The following AMBRA1 variants were observed in gnomAD, a reference collection of about 807,000 sequenced individuals.
The protein encoded by AMBRA1 is autophagy and beclin 1 regulator 1, also known as activating molecule in BECN1-regulated autophagy protein 1.
A neutral mutation model predicts 125.4 loss-of-function variants in AMBRA1; 47 were observed. That is an observed-to-expected ratio of 0.37 (90% CI 0.30 to 0.48). The LOEUF (loss-of-function observed/expected upper bound fraction) is 0.48. Among genes scored for constraint, AMBRA1 ranks in the 20% least tolerant of loss-of-function variants. The probability of loss-of-function intolerance (pLI) is 0.99; values close to 1 mark genes in which losing one functional copy is unlikely to be tolerated. For synonymous variants in AMBRA1, 626 were observed against 655.5 expected (o/e 0.95, Z 0.69); for missense variants, 1,331 against 1,693.4 (o/e 0.79, Z 3.76).
intron 9 of AMBRA1, among the ~76,000 whole-genome samples, chr11:46,507,334 C>T (rs1220477726): frequency 6.6e-6 from 1 of 151,502 alleles, no homozygotes; most frequent in African/African-American, 2.4e-5. Flanking sequence ...AAAAAATTAG[C>T]CAGGCGCGGT....
chr11:46,465,864 C>T (rs1949300991), intron 11 of AMBRA1, among the ~76,000 whole-genome samples: 1 of 152,170 alleles, frequency 6.6e-6, no homozygotes. Context: ...ATGCTATATT[C>T]TATAAAAAAC....
intron 9 of AMBRA1, chr11:46,504,638 G>C (rs1354765248): frequency 6.6e-6 from 1 of 152,202 alleles, no homozygotes; most frequent in Admixed American, 6.5e-5. Context: ...AATGGCAGGA[G>C]AGGAAGCCTG....
chr11:46,418,308 A>G (rs1201477486), intron 14 of AMBRA1, among the ~76,000 whole-genome samples: 20 of 348 alleles, frequency 0.057, no homozygotes, highest in South Asian at 0.5. Flanking sequence ...TATAATATAT[A>G]TTTTATTATT....
chr11:46,532,158 C>A (rs957579544), intron 7 of AMBRA1, among the ~76,000 whole-genome samples: 2 of 152,030 alleles, frequency 1.3e-5, no homozygotes, highest in Non-Finnish European at 2.9e-5. Context: ...AAATTACTTT[C>A]TTATGAAGAG....
At position 46,434,898 on chromosome 11, in the gene AMBRA1, G is replaced by A; in HGVS notation, c.2772C>T (p.Tyr924=). ...CGCCCAGGTTATGGGGGGCCAGGGA[G>A]TACACTGCCAGGATGCCTTCATCAG... ...GFPDEGILAV[Y]SLAPHNLGEM... is the part of the protein sequence containing the mutation. The change falls in exon 13 of 18, where the codon TAC becomes TAT. Residue 924 remains tyrosine (Y), a synonymous_variant. Transcript: ENST00000683756. 6.2e-7 allele frequency: 1 copy of A among 1,614,048 alleles called. No homozygotes were observed. The highest frequency in any genetic ancestry group is 1.7e-5 in the Admixed American group (1 of 60,000).
chr11:46,559,483 A>C (rs2043261487), intron 1 of AMBRA1, among the ~76,000 whole-genome samples: 1 of 152,174 alleles, frequency 6.6e-6, no homozygotes, highest in Non-Finnish European at 1.5e-5. Context: ...AAATAACCTC[A>C]AAAATGGCAG....
chr11:46,446,635 G>A (rs571920382), intron 11 of AMBRA1, among the ~76,000 whole-genome samples: 2 of 152,226 alleles, frequency 1.3e-5, no homozygotes, highest in Admixed American at 6.5e-5. Context: ...TAGCATCCCT[G>A]GCCTCTACCC....
chr11:46,473,113 A>G lies in AMBRA1; in HGVS notation c.2521+20495T>C, dbSNP rs1407203555. On this transcript the variant is annotated intron_variant, in intron 11 of 17. Coordinates refer to ENST00000683756, the MANE Select transcript of AMBRA1 (RefSeq NM_001387011.1). ...CAGGAAAGCAAAGCCTCCTCAATTA[A>G]GAGGTCAACTTGAATTTAGTGGTTA... 2.0e-5 allele frequency among the ~76,000 whole-genome samples: 3 copies of G among 152,276 alleles called. No homozygotes were observed. The East Asian group carries it at 5.8e-4, about 29-fold the overall frequency.
intron 11 of AMBRA1, among the ~76,000 whole-genome samples, chr11:46,469,840 T>G (rs969877310): frequency 1.1e-5 from 1 of 92,494 alleles, no homozygotes; most frequent in Non-Finnish European, 2.2e-5. Context: ...AACTTAAACT[T>G]TTTTTTTTTT....
intron 7 of AMBRA1, among the ~76,000 whole-genome samples, chr11:46,523,116 G>A (rs1156372021): frequency 6.6e-6 from 1 of 152,192 alleles, no homozygotes; most frequent in Non-Finnish European, 1.5e-5. Flanking sequence ...AGAGACTACA[G>A]CTGGGACCCC....
chr11:46,573,536 C>T (rs2043842535), intron 1 of AMBRA1, among the ~76,000 whole-genome samples: 1 of 152,132 alleles, frequency 6.6e-6, no homozygotes, highest in Admixed American at 6.5e-5. Flanking sequence ...ACATAATTTC[C>T]AGACTGGCAG....
intron 12 of AMBRA1, among the ~76,000 whole-genome samples, chr11:46,438,086 G>A (rs760345279): frequency 1.3e-5 from 2 of 152,130 alleles, no homozygotes; most frequent in Non-Finnish European, 2.9e-5. Context: ...TCCTTAGTCT[G>A]GGAGATGCAT....
rs1189368347 is a variant in AMBRA1, at chr11:46,474,580, G to A, written c.2521+19028C>T. ...ACTTCGTATTTTTAGTAGAGTCGGGGTTTCACAATGTTGGCCAGGCTGGTC... is the reference window on the plus strand; with the variant it reads ...ACTTCGTATTTTTAGTAGAGTCGGGATTTCACAATGTTGGCCAGGCTGGTC... On this transcript the variant is annotated intron_variant, in intron 11 of 17. Transcript: ENST00000683756. 2.0e-5 allele frequency among the ~76,000 whole-genome samples: 3 copies of A among 152,144 alleles called. 1 individual carries two copies. Among genetic ancestry groups the A allele is most frequent in the Non-Finnish European group, 4.4e-5 (3 of 68,022 alleles).
chr11:46,555,035 G>T (rs1377689088), intron 1 of AMBRA1, among the ~76,000 whole-genome samples: 1 of 152,092 alleles, frequency 6.6e-6, no homozygotes, highest in Non-Finnish European at 1.5e-5. Flanking sequence ...TTGCACCGCT[G>T]CACTCTTCAG....
chr11:46,449,897 A>G (rs1434512706), intron 11 of AMBRA1, among the ~76,000 whole-genome samples: 4 of 152,136 alleles, frequency 2.6e-5, no homozygotes, highest in Non-Finnish European at 4.4e-5. Flanking sequence ...CATCTCTACT[A>G]AAAATACAAA....
chr11:46,410,354 C>A lies in AMBRA1; in HGVS notation c.3131G>T (p.Gly1044Val), dbSNP rs745673960. 3 of 1,613,768 alleles carry A rather than the reference C, an allele frequency of 1.9e-6. No homozygotes were observed. Among genetic ancestry groups the A allele is most frequent in the South Asian group, 1.1e-5 (1 of 91,074 alleles). ...VICRPEALNS[G>V]VEYYWDQLNE... The stretch of plus-strand genomic sequence containing the variant: ...CAGCTGGTCCCAGTAGTACTCAACA[C>A]CAGAGTTTAAGGCCCTAAAAATCAG... The change falls in exon 16 of 18, where the codon GGT becomes GTT. Residue 1044 changes from glycine (G) to valine (V), a missense_variant. Gly to Val is a moderately radical substitution (Grantham distance 109, BLOSUM62 -3). Coordinates refer to ENST00000683756, the MANE Select transcript of AMBRA1 (RefSeq NM_001387011.1).
chr11:46,554,198 CT>C lies in AMBRA1; in HGVS notation c.-120-5699del, dbSNP rs556235402. 3.2e-3 allele frequency among the ~76,000 whole-genome samples: 488 copies of C among 152,244 alleles called. 6 individuals carry two copies. Among genetic ancestry groups the C allele is most frequent in the African/African-American group, 0.011 (467 of 41,540 alleles). ...GTCTTAACAGTGCAATATAAAGGCA[CT>C]TTCAAAGAAATACACTTAAACCATT... On this transcript the variant is annotated intron_variant, in intron 1 of 17. Coordinates refer to ENST00000683756, the MANE Select transcript of AMBRA1 (RefSeq NM_001387011.1).
At chr11:46,470,589 A>G (rs966337238) in intron 11 of AMBRA1, among the ~76,000 whole-genome samples, 1 of 82,906 alleles carries the variant, frequency 1.2e-5, no homozygotes, top group Non-Finnish European at 2.3e-5. Flanking sequence ...ACTCCGTCTC[A>G]AAAAAAAAAA....
intron 1 of AMBRA1, among the ~76,000 whole-genome samples, chr11:46,549,382 AC>A (rs1463486610): frequency 6.6e-6 from 1 of 152,230 alleles, no homozygotes; most frequent in Non-Finnish European, 1.5e-5. Flanking sequence ...CAATAAACAT[AC>A]ACTATTCTCC....
Sources: gnomAD v4.1 joint callset for allele counts (sites outside exome capture counted in the v4.1 genomes callset) on GRCh38, gnomAD v4.1.1 for gene constraint, MANE v1.5 for transcripts, NCBI Gene and HGNC (gene_info 2026-07-23, HGNC 2026-07-21) for gene names.